The following EPHA4 variants were observed in gnomAD, a reference collection of about 807,000 sequenced individuals.
EPHA4 encodes EPH receptor A4, also known as ephrin type-A receptor 4.
EPHA4 carries 19 observed loss-of-function variants against 108.3 expected under a neutral mutation model. The observed-to-expected ratio is 0.18, with a 90% CI of 0.12 to 0.26. EPHA4 has a LOEUF of 0.26. EPHA4 is among the 10% of genes least tolerant of loss of function. The pLI is 1.00. For missense variants in EPHA4, 917 were observed against 1,254.0 expected, an observed-to-expected ratio of 0.73 and a Z score of 4.06; for synonymous variants, 449 against 455.5, an observed-to-expected ratio of 0.99 and a Z score of 0.18.
chr2:221,563,143 G>A (rs1320836431), intron 3 of EPHA4, among the ~76,000 whole-genome samples: 1 of 152,058 alleles, frequency 6.6e-6, no homozygotes, highest in Non-Finnish European at 1.5e-5. Flanking sequence ...AGAACCCATC[G>A]GTGGGTGTTC....
intron 4 of EPHA4, among the ~76,000 whole-genome samples, chr2:221,488,181 G>T (rs1274245670): frequency 6.6e-6 from 1 of 152,138 alleles, no homozygotes; most frequent in Non-Finnish European, 1.5e-5. Flanking sequence ...AAAATAGGTG[G>T]CCGTTAAAAT....
In EPHA4 at chr2:221,493,225, C is replaced by T. The variant is rs145253419; in HGVS notation, c.979+7792G>A. ...TCTAAAGCAAAAAGAAATATGCTTTCGGGTAGATAAAAAAATATATAGTTT... is the reference window on the plus strand; with the variant it reads ...TCTAAAGCAAAAAGAAATATGCTTTTGGGTAGATAAAAAAATATATAGTTT... On this transcript the variant is annotated intron_variant, in intron 4 of 17. Transcript: ENST00000281821. Among the ~76,000 whole-genome samples, 891 of 152,076 alleles carry T rather than the reference C, an allele frequency of 5.9e-3. 3 individuals are homozygous for T. Among genetic ancestry groups the T allele is most frequent in the Non-Finnish European group, 8.9e-3 (607 of 68,004 alleles).
chr2:221,547,659 C>T (rs1011718523), intron 3 of EPHA4, among the ~76,000 whole-genome samples: 3 of 152,154 alleles, frequency 2.0e-5, no homozygotes, highest in East Asian at 3.9e-4. Context: ...ACAAGTCAAT[C>T]ACTCAGGCAT....
intron 5 of EPHA4, among the ~76,000 whole-genome samples, chr2:221,472,665 T>C (rs1447925674): frequency 6.6e-6 from 1 of 152,184 alleles, no homozygotes. Flanking sequence ...TACTGGAAGA[T>C]ATGAATCAAA....
At chr2:221,451,868 G>A (rs1690797021) in intron 8 of EPHA4, among the ~76,000 whole-genome samples, 1 of 152,122 alleles carries the variant, frequency 6.6e-6, no homozygotes, top group Non-Finnish European at 1.5e-5. Flanking sequence ...ATGCTTACAT[G>A]TTCCATTTGG....
intron 3 of EPHA4, among the ~76,000 whole-genome samples, chr2:221,535,103 G>A (rs190031165): frequency 1.3e-5 from 2 of 152,244 alleles, no homozygotes; most frequent in African/African-American, 4.8e-5. Flanking sequence ...CTTTTACTTA[G>A]CAAGGGAACC....
At chr2:221,443,693 T>C (rs1189436180) in intron 9 of EPHA4, 87 bp from the exon 10 acceptor site, 1 of 978,188 alleles carries the variant, frequency 1.0e-6, no homozygotes, top group Non-Finnish European at 1.6e-6. Flanking sequence ...TTACCAAACA[T>C]AGGAAAAGTC....
intron 2 of EPHA4, 128 bp downstream of exon 2, chr2:221,568,590 C>A (rs542323249): frequency 3.1e-6 from 2 of 643,230 alleles, no homozygotes; most frequent in Non-Finnish European, 5.2e-6. Context: ...GCGTAATTCA[C>A]TTCATAGGCC....
rs1689725038 is a variant in EPHA4, at chr2:221,420,451, A to T, written c.*921T>A. The T allele has an allele frequency of 6.6e-6, 1 of 152,664 alleles. No homozygotes were observed. Among genetic ancestry groups the T allele is most frequent in the Non-Finnish European group, 1.5e-5 (1 of 68,042 alleles). The allele number at this position is 152,664 out of a possible 1,614,324, so 9.5% of individuals were successfully genotyped here. A position where few individuals can be genotyped will look rare whatever the true frequency, so the allele number is the denominator to read the frequency against. Reference sequence around the variant, plus strand: ...AGAACTGGTGTAATTGAAGCAGAAGAAACACATTTAGACGGAACTGAGGAG... The same window carrying T: ...AGAACTGGTGTAATTGAAGCAGAAGTAACACATTTAGACGGAACTGAGGAG... On this transcript the variant is annotated 3_prime_UTR_variant, in exon 18 of 18. Coordinates refer to ENST00000281821, the MANE Select transcript of EPHA4 (RefSeq NM_004438.5).
rs187497219 is a variant in EPHA4, at chr2:221,507,650, A to G, written c.824-6478T>C. On this transcript the variant is annotated intron_variant, in intron 3 of 17. Coordinates refer to ENST00000281821, the MANE Select transcript of EPHA4 (RefSeq NM_004438.5). ...GTGTTGATGACTGATGTAGAGAAAT[A>G]ATGCCTTAATCTTTTGCCTGTGAAA... Among the ~76,000 whole-genome samples, 5 of 152,280 alleles carry G rather than the reference A, an allele frequency of 3.3e-5. No individual in the cohort carries two copies. The East Asian group carries it at 7.7e-4, about 24-fold the overall frequency.
chr2:221,450,099 C>A (rs995972102), intron 8 of EPHA4, among the ~76,000 whole-genome samples: 2 of 152,210 alleles, frequency 1.3e-5, no homozygotes, highest in African/African-American at 4.8e-5. Context: ...TACATGACTT[C>A]ATCAGAGCTG....
At chr2:221,549,862 G>A (rs1004615228) in intron 3 of EPHA4, among the ~76,000 whole-genome samples, 1 of 152,264 alleles carries the variant, frequency 6.6e-6, no homozygotes. Flanking sequence ...ATGGTGGCAT[G>A]TGCCTGTAAT....
At chr2:221,558,220 T>C (rs1427370876) in intron 3 of EPHA4, among the ~76,000 whole-genome samples, 1 of 152,204 alleles carries the variant, frequency 6.6e-6, no homozygotes, top group Non-Finnish European at 1.5e-5. Context: ...ATATTTGAGT[T>C]GCCTGCCAAA....
chr2:221,446,202 AAG>A (rs1327193503), intron 8 of EPHA4, 21 bp from the exon 9 acceptor site: 1 of 1,453,148 alleles, frequency 6.9e-7, no homozygotes, highest in Non-Finnish European at 9.2e-7. Context: ...TTTTTTAAAA[AAG>A]AGAATTATTT....
chr2:221,499,880 C>T (rs1402955115), intron 4 of EPHA4, among the ~76,000 whole-genome samples: 3 of 149,988 alleles, frequency 2.0e-5, no homozygotes, highest in Non-Finnish European at 3.0e-5. Context: ...GCCTCAGCCT[C>T]CCAAGCAGCT....
chr2:221,475,879 C>T lies in EPHA4; in HGVS notation c.1318+6473G>A, dbSNP rs570458817. ...TGGCCCTTGGGCCATAGCTTGCTGA[C>T]CCCTGCTTTAGGGCACTAAAGGAAG... On this transcript the variant is annotated intron_variant, in intron 5 of 17. Coordinates refer to ENST00000281821, the MANE Select transcript of EPHA4 (RefSeq NM_004438.5). 3.3e-5 allele frequency among the ~76,000 whole-genome samples: 5 copies of T among 152,272 alleles called. No homozygotes were observed. The South Asian group carries it at 1.0e-3, about 32-fold the overall frequency.
At chr2:221,490,247 A>T (rs191352838) in intron 4 of EPHA4, among the ~76,000 whole-genome samples, 173 of 150,440 alleles carry the variant, frequency 1.1e-3, no homozygotes, top group Middle Eastern at 0.01. Flanking sequence ...TGGCAATCAC[A>T]TGCTAAAATG....
intron 11 of EPHA4, among the ~76,000 whole-genome samples, chr2:221,440,134 G>C (rs963873357): frequency 1.3e-5 from 2 of 152,216 alleles, no homozygotes; most frequent in African/African-American, 4.8e-5. Flanking sequence ...CTTCCCTGCA[G>C]TAGGCAGGGA....
chr2:221,488,081 C>A (rs1206678367), intron 4 of EPHA4, among the ~76,000 whole-genome samples: 6 of 152,140 alleles, frequency 3.9e-5, no homozygotes, highest in Admixed American at 3.9e-4. Flanking sequence ...CCTGCAGCAA[C>A]TACTCAACTC....
Sources: gnomAD v4.1 joint callset for allele counts (sites outside exome capture counted in the v4.1 genomes callset) on GRCh38, gnomAD v4.1.1 for gene constraint, MANE v1.5 for transcripts, NCBI Gene and HGNC (gene_info 2026-07-23, HGNC 2026-07-21) for gene names.